The following NVL variants were observed in gnomAD, a reference collection of about 807,000 sequenced individuals.
The protein encoded by NVL is nuclear valosin-containing protein-like.
NVL carries 84 observed loss-of-function variants against 110.2 expected under a neutral mutation model. The ratio of observed to expected loss-of-function variants is 0.76; its 90% CI spans 0.64 to 0.91. The LOEUF is 0.91. NVL is among the 40% of genes least tolerant of loss of function. NVL has a pLI of 0.00. For synonymous variants in NVL, 354 were observed against 361.1 expected, an observed-to-expected ratio of 0.98 and a Z score of 0.22; for missense variants, 882 against 1,035.9, an observed-to-expected ratio of 0.85 and a Z score of 2.04.
chr1:224,247,896 C>G (rs1020644725), intron 19 of NVL, among the ~76,000 whole-genome samples: 1 of 152,180 alleles, frequency 6.6e-6, no homozygotes, highest in African/African-American at 2.4e-5. Context: ...GTAAATGTCC[C>G]TAGACATTGC....
chr1:224,294,236 G>A (rs1461495149), intron 12 of NVL, 31 bp downstream of exon 12: 1 of 1,611,022 alleles, frequency 6.2e-7, no homozygotes, highest in African/African-American at 1.3e-5. Flanking sequence ...ATGACTTAGT[G>A]GCATACAAAC....
chr1:224,320,767 C>T (rs1387312717), intron 2 of NVL, among the ~76,000 whole-genome samples: 1 of 152,178 alleles, frequency 6.6e-6, no homozygotes, highest in African/African-American at 2.4e-5. Flanking sequence ...CCTCCCACCC[C>T]AGCATCCGAG....
intron 4 of NVL, among the ~76,000 whole-genome samples, chr1:224,314,433 T>C (rs753307979): frequency 6.6e-6 from 1 of 152,148 alleles, no homozygotes; most frequent in Non-Finnish European, 1.5e-5. Context: ...CAAGAGAATA[T>C]TGCAGAAGCA....
chr1:224,239,929 C>T (rs1419759082), intron 19 of NVL, among the ~76,000 whole-genome samples: 1 of 152,102 alleles, frequency 6.6e-6, no homozygotes, highest in Admixed American at 6.6e-5. Flanking sequence ...TTTTCTGTCT[C>T]GCTGTGTCAC....
At chr1:224,308,805 T>TA (rs1285379996) in intron 5 of NVL, among the ~76,000 whole-genome samples, 1 of 152,136 alleles carries the variant, frequency 6.6e-6, no homozygotes. Context: ...CTCACGCCTG[T>TA]AATCCCAGCA....
chr1:224,289,631 T>A lies in NVL; in HGVS notation c.1428A>T (p.Ala476=), dbSNP rs1279010801. ...CACACATTGCTGCCTCTCGGCACAG[T>A]GCCATGAGATCAGCACCAACAAAGC... ...TPGFVGADLM[A]LCREAAMCAV... The change falls in exon 13 of 23, where the codon GCA becomes GCT. Residue 476 remains alanine (A), a synonymous_variant. Transcript: ENST00000281701. 1.2e-6 allele frequency: 2 copies of A among 1,614,142 alleles called. No individual in the cohort carries two copies. The highest frequency in any genetic ancestry group is 1.1e-5 in the South Asian group (1 of 91,094).
intron 18 of NVL, among the ~76,000 whole-genome samples, chr1:224,262,135 T>C (rs1054769866): frequency 6.6e-6 from 1 of 151,916 alleles, no homozygotes; most frequent in Admixed American, 6.6e-5. Context: ...AAAGAGGACA[T>C]TTAGGAGATC....
intron 1 of NVL, among the ~76,000 whole-genome samples, chr1:224,327,807 C>T (rs1211265777): frequency 1.3e-5 from 2 of 150,980 alleles, no homozygotes; most frequent in Non-Finnish European, 2.9e-5. Flanking sequence ...AGTCACTGCT[C>T]AGAAACCTCA....
chr1:224,268,073 G>C lies in NVL; in HGVS notation c.2143C>G (p.Arg715Gly). 1.2e-6 allele frequency: 2 copies of C among 1,613,900 alleles called. No individual in the cohort carries two copies. Among genetic ancestry groups the C allele is most frequent in the Non-Finnish European group, 1.7e-6 (2 of 1,179,956 alleles). Residue 715 changes from arginine (R) to glycine (G), a missense_variant, in exon 18 of 23, where the codon CGC (arginine) becomes GGC (glycine). This residue lies in a region of NVL where 66 missense variants were observed against 127.5 expected (regional missense o/e 0.52). Coordinates refer to ENST00000281701, the MANE Select transcript of NVL (RefSeq NM_002533.4). ...LLTEMDGLEA[R>G]QQVFIMAATN... is the part of the protein sequence containing the mutation. ...GCTGCCATAATAAAAACCTGCTGGC[G>C]TGCTTCCAGACCATCCATCTCTGTA...
intron 18 of NVL, among the ~76,000 whole-genome samples, chr1:224,264,709 T>A (rs115520108): frequency 6.8e-6 from 1 of 147,936 alleles, no homozygotes; most frequent in African/African-American, 2.5e-5. Context: ...CAAATAAGCA[T>A]GAAAACAAGT....
intron 11 of NVL, 53 bp downstream of exon 11, chr1:224,296,448 C>T (rs530445000): frequency 1.1e-5 from 10 of 915,238 alleles, no homozygotes; most frequent in Middle Eastern, 3.3e-4. Flanking sequence ...GTATTAATTA[C>T]ACTATTTTAA....
chr1:224,294,276 G>C lies in NVL; in HGVS notation c.1316C>G (p.Ser439Cys), dbSNP rs766011486. 6.2e-7 allele frequency: 1 copy of C among 1,614,024 alleles called. No homozygotes were observed. The highest frequency in any genetic ancestry group is 8.5e-7 in the Non-Finnish European group (1 of 1,180,008). Residue 439 changes from serine to cysteine, a missense_variant, in exon 12 of 23, where the codon TCC becomes TGC. By Grantham distance (112) the Ser-to-Cys change is moderately radical. Transcript: ENST00000281701. The part of the protein sequence containing the change: ...EICLGIPDEA[S>C]RERILQTLCR... ...TTCTATAAGAATATACCTTTCCCTG[G>C]ATGCTTCATCTGGGATACCTAGGCA...
chr1:224,318,113 T>C (rs1014532986), intron 2 of NVL, among the ~76,000 whole-genome samples, 183 bp from the exon 3 acceptor site: 4 of 876 alleles, frequency 4.6e-3, no homozygotes, highest in Non-Finnish European at 8.2e-3. Flanking sequence ...TTCTCCATTT[T>C]CCCCCTTTTT....
Position 224,260,459 on chromosome 1 carries a change from T to C in NVL, c.2182+7575A>G, listed in dbSNP as rs978808327. 2.0e-5 allele frequency among the ~76,000 whole-genome samples: 3 copies of C among 152,012 alleles called. No homozygotes were observed. In the East Asian group the frequency reaches 5.8e-4, roughly 30 times the overall value. On this transcript the variant is annotated intron_variant, in intron 18 of 22. Transcript: ENST00000281701. ...TTTTCAGTAGAGACGGGTTTCACCA[T>C]GTTGGCCAGGATAGTCTCGATCTCC...
At chr1:224,300,712 C>T in intron 9 of NVL, 49 bp from the exon 10 acceptor site, 2 of 1,441,646 alleles carry the variant, frequency 1.4e-6, no homozygotes, top group Non-Finnish European at 1.9e-6. Context: ...TTTAATTTCC[C>T]TACTTTTTCT....
chr1:224,233,215 C>G lies in NVL; in HGVS notation c.2441G>C (p.Ser814Thr), dbSNP rs1339930028. 6.2e-7 allele frequency: 1 copy of G among 1,612,072 alleles called. No homozygotes were observed. Among genetic ancestry groups the G allele is most frequent in the Admixed American group, 1.7e-5 (1 of 59,684 alleles). The change falls in exon 21 of 23, where the codon AGT becomes ACT. Residue 814 changes from serine (S) to threonine (T), a missense_variant. By Grantham distance (58) the Ser-to-Thr change is moderately conservative. This residue lies in a region of NVL where 126 missense variants were observed against 140.7 expected (regional missense o/e 0.90). Coordinates refer to ENST00000281701, the MANE Select transcript of NVL (RefSeq NM_002533.4). ...ALRQEMARQK[S>T]GNEKGELKVS... ...GAGAATTGTACCTTTTTCATTTCCA[C>G]TCTTCTGTCTTGCCATTTCCTGTCT...
intron 17 of NVL, among the ~76,000 whole-genome samples, chr1:224,273,357 G>A (rs948908362): frequency 5.3e-5 from 8 of 151,504 alleles, no homozygotes; most frequent in Non-Finnish European, 8.8e-5. Flanking sequence ...AGGTTGCAGT[G>A]AGCTGAGATA....
rs1365353480 is a variant in NVL, at chr1:224,330,162, A to G, written c.-35T>C. 1.9e-6 allele frequency: 3 copies of G among 1,611,868 alleles called. No homozygotes were observed. Among genetic ancestry groups the G allele is most frequent in the Non-Finnish European group, 2.5e-6 (3 of 1,178,036 alleles). On this transcript the variant is annotated 5_prime_UTR_variant, in exon 1 of 23. Coordinates refer to ENST00000281701, the MANE Select transcript of NVL (RefSeq NM_002533.4). ...CTTCCAAGCCACAGCTCGGACCGCC[A>G]GCTCCTAGTCAACCGGGGGCCTCGT...
intron 19 of NVL, among the ~76,000 whole-genome samples, chr1:224,245,803 A>G (rs1421255754): frequency 1.3e-5 from 2 of 150,924 alleles, no homozygotes; most frequent in African/African-American, 4.9e-5. Context: ...AAATACAAAA[A>G]TTAGCCGGGC....
Sources: allele counts gnomAD v4.1 joint callset (sites outside exome capture counted in the v4.1 genomes callset), GRCh38; gene constraint gnomAD v4.1.1; regional missense constraint gnomAD v4.1.1; transcripts MANE v1.5; gene names NCBI Gene and HGNC (gene_info 2026-07-23, HGNC 2026-07-21).